SLC25A13: variants seen among roughly 807,000 people sequenced by gnomAD.
SLC25A13 encodes solute carrier family 25 member 13, also known as electrogenic aspartate/glutamate antiporter SLC25A13, mitochondrial.
A neutral mutation model predicts 85.5 loss-of-function variants in SLC25A13; 70 were observed. The ratio of observed to expected loss-of-function variants is 0.82; its 90% CI spans 0.68 to 1.00. The LOEUF is 1.00. SLC25A13 is among the 50% of genes least tolerant of loss of function. The pLI is 0.00. For missense variants in SLC25A13, 765 were observed against 819.8 expected (o/e 0.93, Z 0.82); for synonymous variants, 259 against 288.7 (o/e 0.90, Z 1.04).
chr7:96,208,654 G>A (rs1362606159), intron 5 of SLC25A13, among the ~76,000 whole-genome samples, 184 bp downstream of exon 5: 1 of 151,746 alleles, frequency 6.6e-6, no homozygotes, highest in Non-Finnish European at 1.5e-5. Flanking sequence ...CACAGGCGCC[G>A]GCCACCACGC....
chr7:96,281,050 T>C (rs1798657881), intron 2 of SLC25A13, among the ~76,000 whole-genome samples: 11 of 152,152 alleles, frequency 7.2e-5, no homozygotes, highest in Admixed American at 7.2e-4. Flanking sequence ...GATACATTAA[T>C]GGCTTGTGGT....
intron 3 of SLC25A13, among the ~76,000 whole-genome samples, chr7:96,247,958 GAA>G (rs79369705): frequency 5.7e-5 from 7 of 122,512 alleles, no homozygotes; most frequent in Admixed American, 2.5e-4. Context: ...TAGCAGCTGG[GAA>G]AAAAAAAAAA....
chr7:96,316,463 G>A (rs934519454), intron 1 of SLC25A13, among the ~76,000 whole-genome samples: 10 of 152,128 alleles, frequency 6.6e-5, no homozygotes, highest in African/African-American at 2.4e-4. Context: ...CATACCCGAT[G>A]GCATGTGAAC....
chr7:96,120,899 T>C lies in SLC25A13; in HGVS notation c.*292A>G. On this transcript the variant is annotated 3_prime_UTR_variant, in exon 18 of 18. Transcript: ENST00000265631. ...TCAAGGAGGGGAGTACTAATTTCTA[T>C]TCTGACTTGCTCCTTTCCCCAAATC... 1 of 530,026 alleles carries C rather than the reference T, an allele frequency of 1.9e-6. No individual in the cohort carries two copies. The allele number at this position is 530,026 out of a possible 1,614,324, so 32.8% of individuals were successfully genotyped here.
At chr7:96,296,219 T>G (rs902259306) in intron 2 of SLC25A13, among the ~76,000 whole-genome samples, 1 of 152,054 alleles carries the variant, frequency 6.6e-6, no homozygotes, top group Non-Finnish European at 1.5e-5. Flanking sequence ...AGAGACAGTA[T>G]AGTCCCATGG....
chr7:96,215,920 C>T (rs1450808069), intron 4 of SLC25A13, among the ~76,000 whole-genome samples: 3 of 151,802 alleles, frequency 2.0e-5, no homozygotes, highest in African/African-American at 2.4e-5. Flanking sequence ...TTTGGGAGGC[C>T]GAGATGGGCG....
Position 96,184,377 on chromosome 7 carries a change from T to C in SLC25A13, c.1077A>G (p.Gln359=), listed in dbSNP as rs2116629319. The change falls in exon 11 of 18, where the codon CAA becomes CAG. Residue 359 remains glutamine (Q), a synonymous_variant. Transcript: ENST00000265631. ...CTCCCACAAAAGAGCCAGTTGATCG[T>C]TGGTTCTGCATTCGAGTTTTTACAA... The part of the protein sequence containing the change: ...IDLVKTRMQN[Q]RSTGSFVGEL... The C allele has an allele frequency of 6.2e-7, 1 of 1,614,204 alleles. No individual in the cohort carries two copies. Among genetic ancestry groups the C allele is most frequent in the Middle Eastern group, 1.6e-4 (1 of 6,062 alleles).
intron 4 of SLC25A13, among the ~76,000 whole-genome samples, chr7:96,216,524 TA>T (rs374447601): frequency 1.3e-5 from 2 of 151,636 alleles, no homozygotes; most frequent in East Asian, 1.9e-4. Context: ...ATAGAGTGGA[TA>T]AAAAAAATGT....
intron 13 of SLC25A13, among the ~76,000 whole-genome samples, chr7:96,161,228 T>A (rs906816874): frequency 6.6e-6 from 1 of 152,190 alleles, no homozygotes; most frequent in Non-Finnish European, 1.5e-5. Context: ...ATAAAATAAA[T>A]AGGAGCCTTA....
chr7:96,207,103 TA>T (rs768586130), intron 5 of SLC25A13, among the ~76,000 whole-genome samples: 1 of 152,138 alleles, frequency 6.6e-6, no homozygotes, highest in Non-Finnish European at 1.5e-5. Flanking sequence ...CTGAGTTACG[TA>T]AGTAGGTTTA....
chr7:96,248,042 A>G (rs967304575), intron 3 of SLC25A13, among the ~76,000 whole-genome samples: 1 of 151,962 alleles, frequency 6.6e-6, no homozygotes, highest in Non-Finnish European at 1.5e-5. Flanking sequence ...ATCCACATCT[A>G]AGAAAAACAA....
At chr7:96,216,524 T>TA (rs374447601) in intron 4 of SLC25A13, among the ~76,000 whole-genome samples, 9 of 151,754 alleles carry the variant, frequency 5.9e-5, no homozygotes, top group South Asian at 4.2e-4. Context: ...ATAGAGTGGA[T>TA]AAAAAAAATG....
rs376925315 is a variant in SLC25A13, at chr7:96,120,600, C to T, written c.*591G>A. 136 of 454,458 alleles carry T rather than the reference C, an allele frequency of 3.0e-4. 1 individual carries two copies. The highest frequency in any genetic ancestry group is 2.5e-3 in the African/African-American group (127 of 50,102). 28.2% of individuals were successfully genotyped at this position (454,458 alleles called of 1,614,324 possible). A position where few individuals can be genotyped will look rare whatever the true frequency, so the allele number is the denominator to read the frequency against. On this transcript the variant is annotated 3_prime_UTR_variant, in exon 18 of 18. Coordinates refer to ENST00000265631, the MANE Select transcript of SLC25A13 (RefSeq NM_014251.3). ...TCCCTAGTAGTCTTGGTACCAGTAACAATATGATTACTAAACATCTCCAAT... is the reference window on the plus strand; with the variant it reads ...TCCCTAGTAGTCTTGGTACCAGTAATAATATGATTACTAAACATCTCCAAT...
intron 2 of SLC25A13, among the ~76,000 whole-genome samples, chr7:96,278,956 T>C (rs776296222): frequency 1.2e-4 from 18 of 152,266 alleles, no homozygotes; most frequent in Non-Finnish European, 2.4e-4. Context: ...TATTTTACTA[T>C]ACAATTTAAC....
At chr7:96,285,577 C>A (rs1798854376) in intron 2 of SLC25A13, among the ~76,000 whole-genome samples, 1 of 152,172 alleles carries the variant, frequency 6.6e-6, no homozygotes, top group Non-Finnish European at 1.5e-5. Flanking sequence ...CTCCTAAGGG[C>A]CTTCCCTGAC....
intron 1 of SLC25A13, among the ~76,000 whole-genome samples, chr7:96,310,462 A>G (rs1270926584): frequency 6.6e-6 from 1 of 152,238 alleles, no homozygotes; most frequent in Non-Finnish European, 1.5e-5. Context: ...TCAGTCGGTA[A>G]CATAATGCTA....
chr7:96,178,278 G>A (rs1410536541), intron 11 of SLC25A13, among the ~76,000 whole-genome samples: 2 of 152,114 alleles, frequency 1.3e-5, no homozygotes, highest in East Asian at 3.9e-4. Flanking sequence ...AAAGGACCAC[G>A]CTGGGCAACG....
intron 1 of SLC25A13, among the ~76,000 whole-genome samples, chr7:96,314,257 G>A (rs750708679): frequency 2.0e-5 from 3 of 152,036 alleles, no homozygotes; most frequent in South Asian, 2.1e-4. Context: ...AGCAGATGGC[G>A]AGAAAGAAAG....
chr7:96,229,559 C>CACAATAAA (rs1562861602), intron 4 of SLC25A13, among the ~76,000 whole-genome samples: 8 of 152,132 alleles, frequency 5.3e-5, no homozygotes, highest in African/African-American at 1.7e-4. Flanking sequence ...CTTGCTGCTG[C>CACAATAAA]TCACTCTTTG....
Sources: allele counts gnomAD v4.1 joint callset (sites outside exome capture counted in the v4.1 genomes callset), GRCh38; gene constraint gnomAD v4.1.1; transcripts MANE v1.5; gene names NCBI Gene and HGNC (gene_info 2026-07-23, HGNC 2026-07-21).